Variants in KRTAP9-3 observed in about 807,000 individuals in gnomAD.
KRTAP9-3 encodes keratin-associated protein 9-3.
KRTAP9-3 carries 12 observed loss-of-function variants against 13.0 expected under a neutral mutation model. The ratio of observed to expected loss-of-function variants is 0.93; its 90% CI spans 0.59 to 1.50. The LOEUF is 1.50. KRTAP9-3 is among the 40% of genes most tolerant of loss of function. The pLI is 0.00. For synonymous variants in KRTAP9-3, 89 were observed against 68.7 expected (o/e 1.29, Z -1.46); for missense variants, 232 against 195.2 (o/e 1.19, Z -1.12).
rs1220801260 is a variant in KRTAP9-3 at position 41,232,639 on chromosome 17, C to T, written c.138C>T (p.Cys46=). 4 of 1,608,024 alleles carry T rather than the reference C, an allele frequency of 2.5e-6. No homozygotes were observed. The highest frequency in any genetic ancestry group is 3.4e-6 in the Non-Finnish European group (4 of 1,179,898). The part of the protein sequence containing the change: ...SCCVSSCCQP[C]CHPTCCQNTC... ...GTGTTTCCAGCTGCTGCCAGCCTTGCTGCCACCCAACTTGCTGTCAAAACA... is the reference window on the plus strand; with the variant it reads ...GTGTTTCCAGCTGCTGCCAGCCTTGTTGCCACCCAACTTGCTGTCAAAACA... The change falls in exon 1 of 1, where the codon TGC becomes TGT. Residue 46 remains cysteine, a synonymous_variant. Transcript: ENST00000411528.
chr17:41,233,239 T>C lies in KRTAP9-3; in HGVS notation c.*258T>C, dbSNP rs2015896492. The stretch of plus-strand genomic sequence containing the variant: ...TAATTTGGAGTCATGATCTCAGCTT[T>C]GTCTCAAAAATCAAGAGCTTCATTC... On this transcript the variant is annotated 3_prime_UTR_variant, in exon 1 of 1. Transcript: ENST00000411528. 1 of 652,518 alleles carries C rather than the reference T, an allele frequency of 1.5e-6. No individual in the cohort carries two copies. Among genetic ancestry groups the C allele is most frequent in the Non-Finnish European group, 2.5e-6 (1 of 394,208 alleles). The allele number at this position is 652,518 out of a possible 1,614,324, so 40.4% of individuals were successfully genotyped here.
chr17:41,232,591 A>G lies in KRTAP9-3; in HGVS notation c.90A>G (p.Thr30=). The G allele has an allele frequency of 6.2e-7, 1 of 1,602,958 alleles. No homozygotes were observed. The change falls in exon 1 of 1, where the codon ACA becomes ACG. Residue 30 remains threonine (T), a synonymous_variant. Transcript: ENST00000411528. ...QPTTVTTCSS[T]PCCQPSCCVS... ...CCACTGTGACCACCTGCAGCAGCAC[A>G]CCCTGCTGTCAGCCCTCCTGCTGTG...
Position 41,232,691 on chromosome 17 carries a change from C to G in KRTAP9-3, c.190C>G (p.Pro64Ala). ...NTCCRTTCCQ[P>A]ICVTSCCQPS... Reference sequence around the variant, plus strand: ...CTGCTGTAGGACCACCTGCTGCCAGCCCATCTGTGTGACCAGCTGCTGCCA... The same window carrying G: ...CTGCTGTAGGACCACCTGCTGCCAGGCCATCTGTGTGACCAGCTGCTGCCA... Residue 64 changes from proline (P) to alanine (A), a missense_variant, in exon 1 of 1, where the codon CCC (proline) becomes GCC (alanine). Transcript: ENST00000411528. 1 of 1,608,266 alleles carries G rather than the reference C, an allele frequency of 6.2e-7. No individual in the cohort carries two copies. Among genetic ancestry groups the G allele is most frequent in the Non-Finnish European group, 8.5e-7 (1 of 1,179,932 alleles).
Position 41,233,235 on chromosome 17 carries a change from G to T in KRTAP9-3, c.*254G>T, listed in dbSNP as rs796648123. The T allele has an allele frequency of 7.1e-6, 4 of 559,890 alleles. No individual in the cohort carries two copies. The highest frequency in any genetic ancestry group is 8.8e-6 in the Non-Finnish European group (3 of 340,640). 34.7% of individuals were successfully genotyped at this position (559,890 alleles called of 1,614,324 possible). Reference sequence around the variant, plus strand: ...TTCTTAATTTGGAGTCATGATCTCAGCTTTGTCTCAAAAATCAAGAGCTTC... The same window carrying T: ...TTCTTAATTTGGAGTCATGATCTCATCTTTGTCTCAAAAATCAAGAGCTTC... On this transcript the variant is annotated 3_prime_UTR_variant, in exon 1 of 1. Transcript: ENST00000411528.
rs1462803841 is a variant in KRTAP9-3 at position 41,232,847 on chromosome 17, T to G, written c.346T>G (p.Cys116Gly). Residue 116 changes from cysteine to glycine, a missense_variant, in exon 1 of 1, where the codon TGC becomes GGC. Physicochemically the swap from Cys to Gly is radical, Grantham distance 159 (BLOSUM62 -3). Transcript: ENST00000411528. ...YHPTSVCLPG[C>G]LNQSCGSNCC... ...CCCCACAAGTGTTTGTCTGCCTGGT[T>G]GCCTAAACCAGAGCTGTGGCTCCAA... 12 of 1,608,172 alleles carry G rather than the reference T, an allele frequency of 7.5e-6. No homozygotes were observed. The highest frequency in any genetic ancestry group is 1.0e-5 in the Non-Finnish European group (12 of 1,179,952).
Position 41,232,594 on chromosome 17 carries a change from C to T in KRTAP9-3, c.93C>T (p.Pro31=), listed in dbSNP as rs1171809078. ...PTTVTTCSST[P]CCQPSCCVSS... ...CTGTGACCACCTGCAGCAGCACACCCTGCTGTCAGCCCTCCTGCTGTGTTT... is the reference window on the plus strand; with the variant it reads ...CTGTGACCACCTGCAGCAGCACACCTTGCTGTCAGCCCTCCTGCTGTGTTT... Residue 31 remains proline (P), a synonymous_variant, in exon 1 of 1, where the codon CCC becomes CCT. Coordinates refer to ENST00000411528, the MANE Select transcript of KRTAP9-3 (RefSeq NM_031962.3). 4 of 1,602,342 alleles carry T rather than the reference C, an allele frequency of 2.5e-6. No individual in the cohort carries two copies. In the South Asian group the frequency reaches 4.4e-5, roughly 18 times the overall value.
At position 41,233,082 on chromosome 17, in the gene KRTAP9-3, T is replaced by C. The variant is rs1256846581; in HGVS notation, c.*101T>C. 6.5e-7 allele frequency: 1 copy of C among 1,536,596 alleles called. No homozygotes were observed. The highest frequency in any genetic ancestry group is 1.5e-5 in the African/African-American group (1 of 66,230). On this transcript the variant is annotated 3_prime_UTR_variant, in exon 1 of 1. Coordinates refer to ENST00000411528, the MANE Select transcript of KRTAP9-3 (RefSeq NM_031962.3). ...ACTTTGCTGCTGACAGCCACCATGC[T>C]CTCACCCAAATTTTTATGAATTCTC...
Position 41,233,152 on chromosome 17 carries a change from A to C in KRTAP9-3, c.*171A>C, listed in dbSNP as rs1243369644. On this transcript the variant is annotated 3_prime_UTR_variant, in exon 1 of 1. Transcript: ENST00000411528. ...GAATCTGCTTGAGGGAGGGCAGAAT[A>C]CTTCATCCTCATTCCCTCTTTCCTT... 1 of 1,106,610 alleles carries C rather than the reference A, an allele frequency of 9.0e-7. No homozygotes were observed. Among genetic ancestry groups the C allele is most frequent in the Non-Finnish European group, 1.3e-6 (1 of 770,736 alleles). 68.5% of individuals were successfully genotyped at this position (1,106,610 alleles called of 1,614,324 possible). A position where few individuals can be genotyped will look rare whatever the true frequency, so the allele number is the denominator to read the frequency against.
chr17:41,233,123 T>C lies in KRTAP9-3; in HGVS notation c.*142T>C, dbSNP rs936728038. The C allele has an allele frequency of 2.1e-6, 3 of 1,404,648 alleles. No individual in the cohort carries two copies. Among genetic ancestry groups the C allele is most frequent in the Non-Finnish European group, 2.9e-6 (3 of 1,033,224 alleles). The allele number at this position is 1,404,648 out of a possible 1,614,324, so 87.0% of individuals were successfully genotyped here. A position where few individuals can be genotyped will look rare whatever the true frequency, so the allele number is the denominator to read the frequency against. ...ATGAATTCTCTACATGTTTAAAATC[T>C]TGGGAATCTGCTTGAGGGAGGGCAG... On this transcript the variant is annotated 3_prime_UTR_variant, in exon 1 of 1. Coordinates refer to ENST00000411528, the MANE Select transcript of KRTAP9-3 (RefSeq NM_031962.3).
Position 41,233,086 on chromosome 17 carries a change from A to G in KRTAP9-3, c.*105A>G. On this transcript the variant is annotated 3_prime_UTR_variant, in exon 1 of 1. Transcript: ENST00000411528. The stretch of plus-strand genomic sequence containing the variant: ...TGCTGCTGACAGCCACCATGCTCTC[A>G]CCCAAATTTTTATGAATTCTCTACA... 1 of 1,528,636 alleles carries G rather than the reference A, an allele frequency of 6.5e-7. No homozygotes were observed. The highest frequency in any genetic ancestry group is 8.8e-7 in the Non-Finnish European group (1 of 1,136,688). 94.7% of individuals were successfully genotyped at this position (1,528,636 alleles called of 1,614,324 possible).
chr17:41,232,932 G>C lies in KRTAP9-3; in HGVS notation c.431G>C (p.Cys144Ser). Residue 144 changes from cysteine (C) to serine (S), a missense_variant, in exon 1 of 1, where the codon TGT becomes TCT. By Grantham distance (112) the Cys-to-Ser change is moderately radical (BLOSUM62 -1). Coordinates refer to ENST00000411528, the MANE Select transcript of KRTAP9-3 (RefSeq NM_031962.3). Reference sequence around the variant, plus strand: ...GAGACCACCTGCTGCAGGACCACTTGTTTCCAGCCCACCTGTGTGTACAGC... The same window carrying C: ...GAGACCACCTGCTGCAGGACCACTTCTTTCCAGCCCACCTGTGTGTACAGC... ...CCETTCCRTT[C>S]FQPTCVYSCC... The C allele has an allele frequency of 1.2e-6, 2 of 1,608,852 alleles. No homozygotes were observed. Among genetic ancestry groups the C allele is most frequent in the Non-Finnish European group, 1.7e-6 (2 of 1,179,982 alleles).
rs377724113 is a variant in KRTAP9-3 at position 41,232,567 on chromosome 17, C to G, written c.66C>G (p.Thr22=). 6.2e-7 allele frequency: 1 copy of G among 1,603,674 alleles called. No individual in the cohort carries two copies. Among genetic ancestry groups the G allele is most frequent in the Non-Finnish European group, 8.5e-7 (1 of 1,177,046 alleles). ...TCCRTTCWQP[T]TVTTCSSTPC... is the part of the protein sequence containing the mutation. ...GCAGGACCACCTGCTGGCAGCCCAC[C>G]ACTGTGACCACCTGCAGCAGCACAC... Residue 22 remains threonine (T), a synonymous_variant, in exon 1 of 1, where the codon ACC becomes ACG. Transcript: ENST00000411528.
In KRTAP9-3 at chr17:41,233,309, T is replaced by C. The variant is rs140802057; in HGVS notation, c.*328T>C. 5.9e-5 allele frequency: 26 copies of C among 443,292 alleles called. No individual in the cohort carries two copies. The East Asian group carries it at 1.0e-3, about 17-fold the overall frequency. 27.5% of individuals were successfully genotyped at this position (443,292 alleles called of 1,614,324 possible). ...GGTTTCTGCAACTGATCAATCATCT[T>C]TGCAATTATATTTTCATTTTAAATA... On this transcript the variant is annotated 3_prime_UTR_variant, in exon 1 of 1. Coordinates refer to ENST00000411528, the MANE Select transcript of KRTAP9-3 (RefSeq NM_031962.3).
rs769685424 is a variant in KRTAP9-3, at chr17:41,232,769, T to A, written c.268T>A (p.Cys90Ser). The change falls in exon 1 of 1, where the codon TGT becomes AGT. Residue 90 changes from cysteine (C) to serine (S), a missense_variant. Physicochemically the swap from Cys to Ser is moderately radical, Grantham distance 112. Transcript: ENST00000411528. Reference sequence around the variant, plus strand: ...CCAGCCCACATGCTGTGGGTCCAGCTGTGGTCAGAGCAGCTCCTGTGCACC... The same window carrying A: ...CCAGCCCACATGCTGTGGGTCCAGCAGTGGTCAGAGCAGCTCCTGTGCACC... ...CCQPTCCGSS[C>S]GQSSSCAPVY... 6.2e-7 allele frequency: 1 copy of A among 1,608,018 alleles called. No homozygotes were observed. Among genetic ancestry groups the A allele is most frequent in the South Asian group, 1.1e-5 (1 of 91,054 alleles).
In KRTAP9-3 at chr17:41,233,212, C is replaced by CTT. The variant is rs1167302344; in HGVS notation, c.*232_*233dup. The CTT allele has an allele frequency of 1.3e-6, 1 of 791,404 alleles. No homozygotes were observed. Among genetic ancestry groups the CTT allele is most frequent in the Non-Finnish European group, 2.0e-6 (1 of 506,872 alleles). The allele number at this position is 791,404 out of a possible 1,614,324, so 49.0% of individuals were successfully genotyped here. On this transcript the variant is annotated 3_prime_UTR_variant, in exon 1 of 1. Coordinates refer to ENST00000411528, the MANE Select transcript of KRTAP9-3 (RefSeq NM_031962.3). ...GGATCATGTGCCAGCTTCGTCTGTTCTTAATTTGGAGTCATGATCTCAGCT... is the reference window on the plus strand; with the variant it reads ...GGATCATGTGCCAGCTTCGTCTGTTCTTTTAATTTGGAGTCATGATCTCAGCT...
In KRTAP9-3 at chr17:41,233,050, C is replaced by A. The variant is rs1016136711; in HGVS notation, c.*69C>A. 1.3e-6 allele frequency: 2 copies of A among 1,582,538 alleles called. No homozygotes were observed. Among genetic ancestry groups the A allele is most frequent in the Non-Finnish European group, 8.6e-7 (1 of 1,165,160 alleles). The stretch of plus-strand genomic sequence containing the variant: ...CTCAACTGACTTGTCTTTTGAGGGA[C>A]TAATTTACTTTGCTGCTGACAGCCA... On this transcript the variant is annotated 3_prime_UTR_variant, in exon 1 of 1. Transcript: ENST00000411528.
rs139421229 is a variant in KRTAP9-3 at position 41,233,102 on chromosome 17, A to G, written c.*121A>G. ...CATGCTCTCACCCAAATTTTTATGA[A>G]TTCTCTACATGTTTAAAATCTTGGG... On this transcript the variant is annotated 3_prime_UTR_variant, in exon 1 of 1. Transcript: ENST00000411528. 0.01 allele frequency: 15,401 copies of G among 1,480,382 alleles called. 194 individuals are homozygous for G. The highest frequency in any genetic ancestry group is 0.015 in the Middle Eastern group (80 of 5,496). 91.7% of individuals were successfully genotyped at this position (1,480,382 alleles called of 1,614,324 possible).
At position 41,232,753 on chromosome 17, in the gene KRTAP9-3, A is replaced by G; in HGVS notation, c.252A>G (p.Thr84=). The G allele has an allele frequency of 6.2e-7, 1 of 1,605,026 alleles. No homozygotes were observed. Among genetic ancestry groups the G allele is most frequent in the Non-Finnish European group, 8.5e-7 (1 of 1,179,184 alleles). ...GTAGCACACCCTGCTGCCAGCCCACATGCTGTGGGTCCAGCTGTGGTCAGA... is the reference window on the plus strand; with the variant it reads ...GTAGCACACCCTGCTGCCAGCCCACGTGCTGTGGGTCCAGCTGTGGTCAGA... ...SCCSTPCCQP[T]CCGSSCGQSS... is the part of the protein sequence containing the mutation. The change falls in exon 1 of 1, where the codon ACA becomes ACG. Residue 84 remains threonine, a synonymous_variant. Coordinates refer to ENST00000411528, the MANE Select transcript of KRTAP9-3 (RefSeq NM_031962.3).
Position 41,233,076 on chromosome 17 carries a change from C to T in KRTAP9-3, c.*95C>T. 1.3e-6 allele frequency: 2 copies of T among 1,549,380 alleles called. No individual in the cohort carries two copies. Among genetic ancestry groups the T allele is most frequent in the Non-Finnish European group, 1.7e-6 (2 of 1,149,202 alleles). ...TAATTTACTTTGCTGCTGACAGCCA[C>T]CATGCTCTCACCCAAATTTTTATGA... On this transcript the variant is annotated 3_prime_UTR_variant, in exon 1 of 1. Transcript: ENST00000411528.
Sources: gnomAD v4.1 joint callset for allele counts on GRCh38, gnomAD v4.1.1 for gene constraint, MANE v1.5 for transcripts, NCBI Gene and HGNC (gene_info 2026-07-23, HGNC 2026-07-21) for gene names.